Variants in TC2N observed in about 807,000 individuals in gnomAD.
TC2N encodes the protein tandem C2 domains, nuclear, also known as tandem C2 domains nuclear protein.
In TC2N, 51 loss-of-function variants were observed where a neutral mutation model predicts 61.9. The observed-to-expected ratio is 0.82, with a 90% CI of 0.66 to 1.04. The LOEUF is 1.04. TC2N is among the 50% of genes least tolerant of loss of function. The pLI is 0.00. For missense variants in TC2N, 556 were observed against 566.7 expected (o/e 0.98, Z 0.19); for synonymous variants, 204 against 192.6 (o/e 1.06, Z -0.49).
chr14:91,845,886 C>G (rs887488770), intron 1 of TC2N, among the ~76,000 whole-genome samples: 1 of 152,246 alleles, frequency 6.6e-6, no homozygotes, highest in Non-Finnish European at 1.5e-5. Flanking sequence ...GAGCCACCAC[C>G]TTAGAAGTAA....
At chr14:91,807,667 C>A (rs942203175) in intron 3 of TC2N, among the ~76,000 whole-genome samples, 4 of 152,150 alleles carry the variant, frequency 2.6e-5, no homozygotes, top group African/African-American at 9.7e-5. Context: ...TTTGATTTTG[C>A]AGGCTCATAG....
At chr14:91,823,063 C>T (rs180699574) in intron 1 of TC2N, among the ~76,000 whole-genome samples, 37 of 150,892 alleles carry the variant, frequency 2.5e-4, no homozygotes, top group African/African-American at 8.4e-4. Context: ...TACATACATA[C>T]ATGAAAACAT....
Position 91,792,424 on chromosome 14 carries a change from G to C in TC2N, c.990C>G (p.Thr330=). 1.2e-6 allele frequency: 2 copies of C among 1,609,964 alleles called. No homozygotes were observed. The highest frequency in any genetic ancestry group is 8.5e-7 in the Non-Finnish European group (1 of 1,177,506). Residue 330 remains threonine, a synonymous_variant, in exon 9 of 12, where the codon ACC becomes ACG. Transcript: ENST00000435962. ...AGTAATCCATTTCCTGTGTGCTAAG[G>C]GTTCTGAGTGACATTGAGCATTCTC... ...TIGECSMSLR[T]LSTQEMDYSL... is the part of the protein sequence containing the mutation.
intron 1 of TC2N, among the ~76,000 whole-genome samples, chr14:91,862,652 C>T (rs1362674208): frequency 6.6e-6 from 1 of 152,220 alleles, no homozygotes; most frequent in African/African-American, 2.4e-5. Context: ...GAAGGAGCCA[C>T]TTCCTCTCCT....
At chr14:91,786,133 G>A (rs1053438383) in intron 10 of TC2N, among the ~76,000 whole-genome samples, 1 of 152,128 alleles carries the variant, frequency 6.6e-6, no homozygotes, top group Non-Finnish European at 1.5e-5. Flanking sequence ...GCTGAGATCC[G>A]ACCGTCAGAT....
chr14:91,843,946 T>C (rs77372114), intron 1 of TC2N, among the ~76,000 whole-genome samples: 4,560 of 152,220 alleles, frequency 0.03, 234 homozygotes, highest in African/African-American at 0.1. Context: ...CCTCCACCCT[T>C]CTAGCTTATG....
chr14:91,807,674 A>G (rs2139855255), intron 3 of TC2N, among the ~76,000 whole-genome samples: 1 of 152,322 alleles, frequency 6.6e-6, no homozygotes, highest in Admixed American at 6.5e-5. Context: ...TTGCAGGCTC[A>G]TAGGCGGAAG....
chr14:91,798,963 T>C, intron 6 of TC2N, 26 bp downstream of exon 6: 1 of 1,485,050 alleles, frequency 6.7e-7, no homozygotes, highest in Middle Eastern at 2.0e-4. Context: ...CTTAAGAGTA[T>C]AAAAGTAGGA....
chr14:91,824,532 C>G (rs1377790737), intron 1 of TC2N, among the ~76,000 whole-genome samples: 1 of 152,178 alleles, frequency 6.6e-6, no homozygotes, highest in East Asian at 1.9e-4. Context: ...ATTCTTGAGT[C>G]CTTCTGCTCC....
chr14:91,794,381 T>C (rs1164008462), intron 8 of TC2N, among the ~76,000 whole-genome samples: 1 of 152,198 alleles, frequency 6.6e-6, no homozygotes, highest in African/African-American at 2.4e-5. Context: ...GAAGATGCCA[T>C]GTAGGACTTT....
intron 4 of TC2N, 105 bp from the exon 5 acceptor site, chr14:91,800,477 C>T: frequency 5.4e-6 from 3 of 554,876 alleles, no homozygotes; most frequent in Non-Finnish European, 8.9e-6. Flanking sequence ...ATATTTTGTG[C>T]AAATCTACAG....
In TC2N at chr14:91,783,106, T is replaced by C; in HGVS notation, c.1467A>G (p.Pro489=). ...KVVIRWHKLN[P]S ...AAATTAATGTGTGAAGTCTTCAAGA[T>C]GGATTTAATTTGTGCCACCTGATAA... The change falls in exon 12 of 12, where the codon CCA becomes CCG. Residue 489 remains proline, a synonymous_variant. Coordinates refer to ENST00000435962, the MANE Select transcript of TC2N (RefSeq NM_001128596.3). 2 of 1,591,240 alleles carry C rather than the reference T, an allele frequency of 1.3e-6. No individual in the cohort carries two copies. The highest frequency in any genetic ancestry group is 1.7e-6 in the Non-Finnish European group (2 of 1,160,222).
At chr14:91,825,235 T>C (rs1887446129) in intron 1 of TC2N, among the ~76,000 whole-genome samples, 1 of 151,952 alleles carries the variant, frequency 6.6e-6, no homozygotes, top group South Asian at 2.1e-4. Flanking sequence ...GGTTTCACCA[T>C]CTTGGCCAGG....
chr14:91,856,111 G>A (rs1387777540), intron 1 of TC2N, among the ~76,000 whole-genome samples: 3 of 152,146 alleles, frequency 2.0e-5, no homozygotes, highest in Non-Finnish European at 2.9e-5. Flanking sequence ...TTTTTGAAGA[G>A]AGACAAGGAA....
At chr14:91,794,724 T>C (rs1885819055) in intron 8 of TC2N, among the ~76,000 whole-genome samples, 1 of 152,154 alleles carries the variant, frequency 6.6e-6, no homozygotes, top group African/African-American at 2.4e-5. Flanking sequence ...CCAAGAGCCC[T>C]GACAGAGATG....
In TC2N at chr14:91,782,065, A is replaced by C. The variant is rs1326224146; in HGVS notation, c.*1035T>G. The C allele has an allele frequency of 6.6e-6, 1 of 152,058 alleles. No individual in the cohort carries two copies. The highest frequency in any genetic ancestry group is 1.5e-5 in the Non-Finnish European group (1 of 67,918). 9.4% of individuals were successfully genotyped at this position (152,058 alleles called of 1,614,324 possible). A position where few individuals can be genotyped will look rare whatever the true frequency, so the allele number is the denominator to read the frequency against. On this transcript the variant is annotated 3_prime_UTR_variant, in exon 12 of 12. Coordinates refer to ENST00000435962, the MANE Select transcript of TC2N (RefSeq NM_001128596.3). ...CAGGTATAATGTCATCTGCCTCTCC[A>C]AAAAACTGTTCTTTTTGGCCACAGT...
At chr14:91,814,166 G>C (rs151277474) in intron 1 of TC2N, among the ~76,000 whole-genome samples, 199 of 151,066 alleles carry the variant, frequency 1.3e-3, no homozygotes, top group African/African-American at 3.9e-3. Context: ...GAGAGAGAGA[G>C]AGAGAAGGGA....
intron 9 of TC2N, among the ~76,000 whole-genome samples, chr14:91,789,813 C>A (rs4904813): frequency 0.98 from 149,327 of 152,294 alleles, 73,287 homozygotes; most frequent in East Asian, 1. Context: ...TTATGTATTG[C>A]CTGCATTTAA....
chr14:91,802,299 G>C lies in TC2N; in HGVS notation c.424C>G (p.Arg142Gly), dbSNP rs745811695. ...MYQHISPDLS[R>G]RFPPRSEVKR... ...ACTTCTGAACGGGGAGGAAAGCGTC[G>C]ACTCAAATCAGGTGAAATGTGCTGA... Residue 142 changes from arginine (R) to glycine (G), a missense_variant, in exon 4 of 12, where the codon CGA becomes GGA. By Grantham distance (125) the Arg-to-Gly change is moderately radical (BLOSUM62 -2). Transcript: ENST00000435962. 6.2e-7 allele frequency: 1 copy of C among 1,602,122 alleles called. No homozygotes were observed. The highest frequency in any genetic ancestry group is 1.1e-5 in the South Asian group (1 of 88,428).
Sources: allele counts gnomAD v4.1 joint callset (sites outside exome capture counted in the v4.1 genomes callset), GRCh38; gene constraint gnomAD v4.1.1; transcripts MANE v1.5; gene names NCBI Gene and HGNC (gene_info 2026-07-23, HGNC 2026-07-21).